ZBTB40: variants seen among roughly 807,000 people sequenced by gnomAD.
The protein encoded by ZBTB40 is zinc finger and BTB domain containing 40, also known as zinc finger and BTB domain-containing protein 40.
ZBTB40 carries 60 observed loss-of-function variants against 117.5 expected under a neutral mutation model. The ratio of observed to expected loss-of-function variants is 0.51; its 90% CI spans 0.41 to 0.63. The LOEUF is 0.63. ZBTB40 is among the 30% of genes least tolerant of loss of function. ZBTB40 has a pLI of 0.00. For synonymous variants in ZBTB40, 525 were observed against 577.1 expected, an observed-to-expected ratio of 0.91 and a Z score of 1.29; for missense variants, 1,287 against 1,498.5, an observed-to-expected ratio of 0.86 and a Z score of 2.33.
intron 1 of ZBTB40, among the ~76,000 whole-genome samples, chr1:22,442,222 A>C (rs1194741219): frequency 1.3e-5 from 2 of 152,194 alleles, no homozygotes; most frequent in Admixed American, 6.5e-5. Context: ...TCATGTGCAC[A>C]TGAGAAGAAT....
chr1:22,513,172 G>A lies in ZBTB40; in HGVS notation c.2668+42G>A. The stretch of plus-strand genomic sequence containing the variant: ...TTCATTTCTCCTGCAGACTTTCACT[G>A]CGAACTGCCTAAACCCCATTTGGAT... On this transcript the variant is annotated intron_variant, in intron 12 of 17. Transcript: ENST00000375647. The surrounding 1 kb of genome is among the most constrained non-coding windows in gnomAD (Gnocchi z 4.9). 5 of 1,596,238 alleles carry A rather than the reference G, an allele frequency of 3.1e-6. No individual in the cohort carries two copies. The South Asian group carries it at 4.5e-5, about 14-fold the overall frequency.
chr1:22,435,592 A>T (rs1477685193), intron 1 of ZBTB40, among the ~76,000 whole-genome samples: 1 of 152,176 alleles, frequency 6.6e-6, no homozygotes, highest in Non-Finnish European at 1.5e-5. Flanking sequence ...GTTAAAGAAC[A>T]GTGGTGAGAG....
At chr1:22,449,696 A>C (rs1640832561), upstream of ZBTB40, among the ~76,000 whole-genome samples, 1 of 152,228 alleles carries the variant, frequency 6.6e-6, no homozygotes, top group Non-Finnish European at 1.5e-5. Context: ...CATTTAAAAA[A>C]AGTTATAGAA....
chr1:22,460,380 A>T (rs1382975949), intron 1 of ZBTB40, among the ~76,000 whole-genome samples: 1 of 152,166 alleles, frequency 6.6e-6, no homozygotes, highest in East Asian at 1.9e-4. Context: ...GTGAACTTTA[A>T]AATTTTCATA....
chr1:22,486,603 CCCCAGAGTTTTTAA>C (rs1249696015), intron 1 of ZBTB40, among the ~76,000 whole-genome samples: 1 of 152,160 alleles, frequency 6.6e-6, no homozygotes, highest in Non-Finnish European at 1.5e-5. Context: ...ACTGAGTCCC[CCCCAGAGTTTTTAA>C]CTCTCAGAGT....
At chr1:22,505,420 T>C (rs972448212) in intron 5 of ZBTB40, among the ~76,000 whole-genome samples, 11 of 152,184 alleles carry the variant, frequency 7.2e-5, no homozygotes, top group African/African-American at 2.7e-4. Flanking sequence ...AGGAGTGGAA[T>C]TGCTGAATTA....
upstream of ZBTB40, among the ~76,000 whole-genome samples, chr1:22,447,614 G>C: frequency 6.6e-6 from 1 of 152,216 alleles, no homozygotes; most frequent in East Asian, 1.9e-4. Flanking sequence ...CCTTCTAAAT[G>C]TGAGTGCCTT....
chr1:22,452,343 C>CT (rs1224829045), intron 1 of ZBTB40, among the ~76,000 whole-genome samples: 1 of 152,260 alleles, frequency 6.6e-6, no homozygotes, highest in East Asian at 1.9e-4. Flanking sequence ...CTCCCCCTCC[C>CT]TTCAGGTCCC....
At chr1:22,511,620 T>C (rs1013382026) in intron 10 of ZBTB40, 56 bp from the exon 11 acceptor site, 3 of 1,581,522 alleles carry the variant, frequency 1.9e-6, no homozygotes, top group Non-Finnish European at 2.6e-6. Context: ...AGAAACGTTA[T>C]AAAGCAAAAT....
Position 22,490,294 on chromosome 1 carries a change from C to G in ZBTB40, c.346C>G (p.Leu116Val). The change falls in exon 2 of 18, where the codon CTT becomes GTT. Residue 116 changes from leucine to valine, a missense_variant. Physicochemically the swap from Leu to Val is conservative, Grantham distance 32. Around this residue, in one of 2 missense-constraint regions of ZBTB40, gnomAD observed 870 missense variants for 934.4 expected, o/e 0.93. Transcript: ENST00000375647. ...TAGCTGCAAAAATCTTCTGACCAGC[C>G]TTGTAAACTGCTCGGTTCAGGGTCA... ...AVSCKNLLTS[L>V]VNCSVQGQVV... 2 of 1,614,204 alleles carry G rather than the reference C, an allele frequency of 1.2e-6. No individual in the cohort carries two copies. The highest frequency in any genetic ancestry group is 1.6e-4 in the Middle Eastern group (1 of 6,062).
intron 1 of ZBTB40, among the ~76,000 whole-genome samples, chr1:22,433,682 G>A (rs1007716276): frequency 4.9e-5 from 7 of 142,020 alleles, no homozygotes; most frequent in South Asian, 2.6e-4. Context: ...ACCCTCCACC[G>A]ATATGGACTG....
Position 22,453,152 on chromosome 1 carries a change from C to T in ZBTB40, c.-70+1148C>T, listed in dbSNP as rs113297529. 4.6e-3 allele frequency among the ~76,000 whole-genome samples: 694 copies of T among 152,204 alleles called. 7 individuals are homozygous for T. Among genetic ancestry groups the T allele is most frequent in the African/African-American group, 0.016 (653 of 41,544 alleles). On this transcript the variant is annotated intron_variant, in intron 1 of 17. Coordinates refer to ENST00000375647, the MANE Select transcript of ZBTB40 (RefSeq NM_014870.4). ...TGTTTGTTCTTCCCTGGAATTGTACCCAGATCTTTGTATGGTTAATGGAGA... is the reference window on the plus strand; with the variant it reads ...TGTTTGTTCTTCCCTGGAATTGTACTCAGATCTTTGTATGGTTAATGGAGA...
chr1:22,498,784 G>A (rs1306245188), intron 3 of ZBTB40, among the ~76,000 whole-genome samples: 1 of 73,228 alleles, frequency 1.4e-5, no homozygotes, highest in Non-Finnish European at 2.3e-5. Context: ...AGAGTTTCAG[G>A]TGGAAAAAAA....
At chr1:22,521,922 C>G (rs1206365618) in intron 15 of ZBTB40, among the ~76,000 whole-genome samples, 1 of 152,202 alleles carries the variant, frequency 6.6e-6, no homozygotes, top group East Asian at 1.9e-4. Context: ...GGAAGGGTGT[C>G]AGCCTCAGTG....
chr1:22,440,707 A>G (rs1219892576), intron 1 of ZBTB40, among the ~76,000 whole-genome samples: 1 of 151,706 alleles, frequency 6.6e-6, no homozygotes, highest in African/African-American at 2.4e-5. Context: ...TGTTTTGTCA[A>G]ATGCTTTTTT....
At position 22,502,515 on chromosome 1, in the gene ZBTB40, G is replaced by GCACT. The variant is rs1462159545; in HGVS notation, c.1167+75_1167+78dup. The stretch of plus-strand genomic sequence containing the variant: ...TAAAAAAATGCTTTTGTGGCACATA[G>GCACT]CACTTTATACTTTGCAGTATTTTAA... On this transcript the variant is annotated intron_variant, in intron 5 of 17. Transcript: ENST00000375647. 7 of 1,592,436 alleles carry GCACT rather than the reference G, an allele frequency of 4.4e-6. No homozygotes were observed. In the Admixed American group the frequency reaches 8.3e-5, roughly 19 times the overall value.
Position 22,511,334 on chromosome 1 carries a change from G to C in ZBTB40, c.1989G>C (p.Glu663Asp). 2 of 1,614,080 alleles carry C rather than the reference G, an allele frequency of 1.2e-6. No homozygotes were observed. The highest frequency in any genetic ancestry group is 3.3e-4 in the Middle Eastern group (2 of 5,974). Residue 663 changes from glutamate (E) to aspartate (D), a missense_variant, in exon 10 of 18, where the codon GAG becomes GAC. Coordinates refer to ENST00000375647, the MANE Select transcript of ZBTB40 (RefSeq NM_014870.4). ...SFPGLQPVMQELAYIGVLTKE... is the reference protein window; with the variant it reads ...SFPGLQPVMQDLAYIGVLTKE... ...CAGGCCTGCAGCCTGTCATGCAGGA[G>C]TTGGCATACATTGGTAAGGAACGGG...
At chr1:22,470,369 G>C (rs2124403267) in intron 1 of ZBTB40, among the ~76,000 whole-genome samples, 1 of 152,334 alleles carries the variant, frequency 6.6e-6, no homozygotes, top group South Asian at 2.1e-4. Context: ...AGTAACAAGT[G>C]AATGAAGTGT....
chr1:22,501,001 T>C (rs1013767488), intron 3 of ZBTB40, among the ~76,000 whole-genome samples: 3 of 152,236 alleles, frequency 2.0e-5, no homozygotes, highest in Non-Finnish European at 2.9e-5. Context: ...CATGAAATAC[T>C]TAAAATGCCA....
Sources: gnomAD v4.1 joint callset for allele counts (sites outside exome capture counted in the v4.1 genomes callset) on GRCh38, gnomAD v4.1.1 for gene constraint, gnomAD v4.1.1 regional missense constraint, Gnocchi (gnomAD v3.1) non-coding constraint, MANE v1.5 for transcripts, NCBI Gene and HGNC (gene_info 2026-07-23, HGNC 2026-07-21) for gene names.